The following TSPAN18 variants were observed in gnomAD, a reference collection of about 807,000 sequenced individuals.
TSPAN18 encodes tetraspanin 18.
Under a neutral mutation model 27.3 loss-of-function variants are expected in TSPAN18, and 14 were observed. The ratio of observed to expected loss-of-function variants is 0.51; its 90% CI spans 0.34 to 0.80. The LOEUF (loss-of-function observed/expected upper bound fraction) is 0.80, where lower values mean the gene tolerates loss of function less well. TSPAN18 is among the 30% of genes least tolerant of loss of function. The pLI is 0.01. For synonymous variants in TSPAN18, 143 were observed against 136.5 expected (o/e 1.05, Z -0.33); for missense variants, 268 against 323.9 (o/e 0.83, Z 1.32).
rs150524371 is a variant in TSPAN18, at chr11:44,843,210, G to A, written c.-152-17118G>A. The stretch of plus-strand genomic sequence containing the variant: ...GTTCTTTCCTATTTTCCTAAGCATC[G>A]GCTGGCTTGAGAAATAAAGGGACAG... On this transcript the variant is annotated intron_variant, in intron 2 of 9. Transcript: ENST00000520358. Among the ~76,000 whole-genome samples the A allele has an allele frequency of 6.5e-3, 993 of 152,192 alleles. 11 individuals are homozygous for A. The highest frequency in any genetic ancestry group is 0.021 in the African/African-American group (884 of 41,486).
chr11:44,819,795 G>A (rs1308387084), intron 2 of TSPAN18, among the ~76,000 whole-genome samples: 1 of 145,752 alleles, frequency 6.9e-6, no homozygotes, highest in African/African-American at 2.6e-5. Context: ...AATAAATATT[G>A]TGACAGCAAA....
In TSPAN18 at chr11:44,868,531, C is replaced by T. The variant is rs536690883; in HGVS notation, c.-11+8062C>T. ...GGAGAGGAGGAAGCAGAGGAAGCTCCAGCCCAGCCCCTTCCTCAGAGACCC... is the reference window on the plus strand; with the variant it reads ...GGAGAGGAGGAAGCAGAGGAAGCTCTAGCCCAGCCCCTTCCTCAGAGACCC... On this transcript the variant is annotated intron_variant, in intron 3 of 9. Coordinates refer to ENST00000520358, the MANE Select transcript of TSPAN18 (RefSeq NM_130783.5). Among the ~76,000 whole-genome samples the T allele has an allele frequency of 3.9e-5, 6 of 152,288 alleles. No homozygotes were observed. The South Asian group carries it at 1.0e-3, about 26-fold the overall frequency.
At chr11:44,790,241 G>A (rs1252067219) in intron 2 of TSPAN18, among the ~76,000 whole-genome samples, 1 of 151,466 alleles carries the variant, frequency 6.6e-6, no homozygotes, top group East Asian at 1.9e-4. Context: ...GTGTTTGTGT[G>A]TGCCTGTGCG....
chr11:44,804,520 AAAGGAGGGAGGG>A (rs535483158), intron 2 of TSPAN18, among the ~76,000 whole-genome samples: 6 of 152,120 alleles, frequency 3.9e-5, no homozygotes, highest in Non-Finnish European at 7.4e-5. Context: ...TGAAGGAAGG[AAAGGAGGGAGGG>A]AAGGAGGGAG....
intron 2 of TSPAN18, among the ~76,000 whole-genome samples, chr11:44,810,800 G>T (rs1189179658): frequency 1.3e-5 from 2 of 151,594 alleles, no homozygotes; most frequent in Non-Finnish European, 2.9e-5. Flanking sequence ...GCAGGAAGGG[G>T]GTTTTGCCAT....
chr11:44,743,416 G>A (rs1854992935), intron 1 of TSPAN18, among the ~76,000 whole-genome samples: 1 of 152,222 alleles, frequency 6.6e-6, no homozygotes, highest in African/African-American at 2.4e-5. Context: ...CATCATGGAT[G>A]CATTCCAGCC....
chr11:44,752,376 A>ACTTT (rs1286674710), intron 1 of TSPAN18, among the ~76,000 whole-genome samples: 1 of 150,860 alleles, frequency 6.6e-6, no homozygotes, highest in African/African-American at 2.4e-5. Flanking sequence ...CAGCAGAACA[A>ACTTT]CTTTCTTTCT....
intron 2 of TSPAN18, among the ~76,000 whole-genome samples, chr11:44,851,420 C>T (rs916973008): frequency 5.3e-5 from 8 of 152,250 alleles, no homozygotes; most frequent in Admixed American, 6.5e-5. Flanking sequence ...TATACAAATC[C>T]GTGGAGACAG....
chr11:44,744,655 C>A (rs1855028779), intron 1 of TSPAN18, among the ~76,000 whole-genome samples: 1 of 152,338 alleles, frequency 6.6e-6, no homozygotes, highest in South Asian at 2.1e-4. Context: ...AAATTATCTT[C>A]ACAGCTAGCT....
rs2135340019 is a variant in TSPAN18, at chr11:44,909,976, G to A, written c.258+77G>A. The A allele has an allele frequency of 2.0e-6, 3 of 1,502,732 alleles. No individual in the cohort carries two copies. The South Asian group carries it at 3.9e-5, about 20-fold the overall frequency. The allele number at this position is 1,502,732 out of a possible 1,614,324, so 93.1% of individuals were successfully genotyped here. On this transcript the variant is annotated intron_variant, in intron 5 of 9. Coordinates refer to ENST00000520358, the MANE Select transcript of TSPAN18 (RefSeq NM_130783.5). ...GATTGGCTGCAGACTCCCAGGCCCT[G>A]CCTGGCTTCCATTCAGACCAGTGCT...
intron 3 of TSPAN18, 90 bp from the exon 4 acceptor site, chr11:44,906,317 G>A: frequency 8.8e-7 from 1 of 1,139,260 alleles, no homozygotes; most frequent in Non-Finnish European, 1.3e-6. Context: ...CAAGGGTGGG[G>A]CTGGCTGCGG....
At chr11:44,896,875 C>G (rs889912789) in intron 3 of TSPAN18, among the ~76,000 whole-genome samples, 1 of 152,174 alleles carries the variant, frequency 6.6e-6, no homozygotes, top group Non-Finnish European at 1.5e-5. Flanking sequence ...CACATAGTAG[C>G]AACTCAGTGT....
At chr11:44,755,458 T>G (rs1855309473) in intron 1 of TSPAN18, among the ~76,000 whole-genome samples, 1 of 150,932 alleles carries the variant, frequency 6.6e-6, no homozygotes, top group Non-Finnish European at 1.5e-5. Flanking sequence ...GCCAGACAAG[T>G]GCAGGTGGAG....
intron 2 of TSPAN18, among the ~76,000 whole-genome samples, chr11:44,790,612 G>A (rs1047114561): frequency 8.8e-6 from 1 of 114,164 alleles, no homozygotes; most frequent in African/African-American, 2.7e-5. Context: ...GCATGTGTTC[G>A]TGTGTGTGTG....
chr11:44,728,425 G>C (rs1047826213), intron 1 of TSPAN18, among the ~76,000 whole-genome samples: 2 of 152,172 alleles, frequency 1.3e-5, no homozygotes, highest in Non-Finnish European at 2.9e-5. Context: ...TGTAAAAGTT[G>C]CACCTTTGTT....
Position 44,866,296 on chromosome 11 carries a change from C to T in TSPAN18, c.-11+5827C>T, listed in dbSNP as rs141826602. Among the ~76,000 whole-genome samples, 587 of 152,346 alleles carry T rather than the reference C, an allele frequency of 3.9e-3. 7 individuals are homozygous for T. Among genetic ancestry groups the T allele is most frequent in the African/African-American group, 0.013 (553 of 41,582 alleles). On this transcript the variant is annotated intron_variant, in intron 3 of 9. Transcript: ENST00000520358. ...ATCTGATTAAATCTGCCTTCAGCTC[C>T]CTCCACGAATTTGAAAGACATTCAA...
chr11:44,906,377 G>C (rs372899419), intron 3 of TSPAN18, 30 bp from the exon 4 acceptor site: 1 of 1,611,528 alleles, frequency 6.2e-7, no homozygotes, highest in Non-Finnish European at 8.5e-7. Context: ...GTCCCCCATC[G>C]GGAAGACTGA....
intron 2 of TSPAN18, among the ~76,000 whole-genome samples, chr11:44,771,176 A>G (rs952889379): frequency 4.6e-5 from 7 of 152,200 alleles, no homozygotes; most frequent in Non-Finnish European, 8.8e-5. Flanking sequence ...AAGGGCAGTC[A>G]TGTGTTATTT....
chr11:44,927,696 A>AT (rs1860419418), intron 9 of TSPAN18, among the ~76,000 whole-genome samples: 1 of 152,212 alleles, frequency 6.6e-6, no homozygotes, highest in Non-Finnish European at 1.5e-5. Flanking sequence ...GAGGGCAACA[A>AT]TGAACAAGAT....
Sources: gnomAD v4.1 joint callset for allele counts (sites outside exome capture counted in the v4.1 genomes callset) on GRCh38, gnomAD v4.1.1 for gene constraint, MANE v1.5 for transcripts, NCBI Gene and HGNC (gene_info 2026-07-23, HGNC 2026-07-21) for gene names.